The following ENPP3 variants were observed in gnomAD, a reference collection of about 807,000 sequenced individuals.
ENPP3 encodes the protein ectonucleotide pyrophosphatase/phosphodiesterase family member 3.
A neutral mutation model predicts 117.8 loss-of-function variants in ENPP3; 104 were observed. The ratio of observed to expected loss-of-function variants is 0.88; its 90% confidence interval spans 0.75 to 1.04. ENPP3 has a LOEUF of 1.04. Among genes scored for constraint, ENPP3 ranks in the 50% least tolerant of loss-of-function variants. The probability of loss-of-function intolerance (pLI) is 0.00; values close to 1 mark genes in which losing one functional copy is unlikely to be tolerated. For synonymous variants in ENPP3, 380 were observed against 349.9 expected (o/e 1.09, Z -0.96); for missense variants, 1,026 against 1,051.9 (o/e 0.98, Z 0.34).
intron 20 of ENPP3, among the ~76,000 whole-genome samples, chr6:131,730,343 A>G (rs1300624329): frequency 6.6e-6 from 1 of 152,198 alleles, no homozygotes; most frequent in East Asian, 1.9e-4. Context: ...TGTTTTTGAA[A>G]GAATATAAAC....
At chr6:131,710,513 C>T in intron 15 of ENPP3, 1 of 1,605,662 alleles carries the variant, frequency 6.2e-7, no homozygotes, top group South Asian at 1.1e-5. Context: ...TTTGAAATAT[C>T]CGCCATCAAT....
chr6:131,729,476 T>G (rs1249698114), intron 20 of ENPP3, among the ~76,000 whole-genome samples: 2 of 152,190 alleles, frequency 1.3e-5, no homozygotes, highest in Non-Finnish European at 2.9e-5. Context: ...CACGTTCCTG[T>G]CTATACTCAT....
At chr6:131,717,055 T>A (rs945378488) in intron 15 of ENPP3, among the ~76,000 whole-genome samples, 4 of 152,212 alleles carry the variant, frequency 2.6e-5, no homozygotes, top group Admixed American at 2.0e-4. Context: ...GGAAATGAAG[T>A]GACATCCTTA....
At chr6:131,637,491 C>A in intron 1 of ENPP3, 29 bp downstream of exon 1, 1 of 1,286,618 alleles carries the variant, frequency 7.8e-7, no homozygotes, top group Non-Finnish European at 1.1e-6. Flanking sequence ...TTTAGTCTTT[C>A]TAGTTTTGTG....
Position 131,641,451 on chromosome 6 carries a change from A to C in ENPP3, c.79-4A>C. The C allele has an allele frequency of 6.2e-7, 1 of 1,604,670 alleles. No individual in the cohort carries two copies. Among genetic ancestry groups the C allele is most frequent in the Non-Finnish European group, 8.5e-7 (1 of 1,172,640 alleles). Reference sequence around the variant, plus strand: ...TAAAAGTTACTTTTTCCTTTTTGCAATAGGTTCTTCTTGCTTTGCTGGTGA... The same window carrying C: ...TAAAAGTTACTTTTTCCTTTTTGCACTAGGTTCTTCTTGCTTTGCTGGTGA... On this transcript the variant is annotated splice_polypyrimidine_tract_variant and splice_region_variant and intron_variant, in intron 1 of 24. Coordinates refer to ENST00000357639, the MANE Select transcript of ENPP3 (RefSeq NM_005021.5).
chr6:131,689,025 C>T (rs1335545140), intron 14 of ENPP3, among the ~76,000 whole-genome samples: 1 of 151,884 alleles, frequency 6.6e-6, no homozygotes, highest in African/African-American at 2.4e-5. Flanking sequence ...GAGATCACGC[C>T]ACTGCACTCC....
At chr6:131,721,805 A>G (rs1347274625) in intron 17 of ENPP3, among the ~76,000 whole-genome samples, 1 of 152,208 alleles carries the variant, frequency 6.6e-6, no homozygotes, top group Non-Finnish European at 1.5e-5. Context: ...CTTACGAAAC[A>G]AAGTGGTGAT....
At chr6:131,738,442 G>C (rs1780448859) in intron 23 of ENPP3, among the ~76,000 whole-genome samples, 1 of 151,994 alleles carries the variant, frequency 6.6e-6, no homozygotes, top group Non-Finnish European at 1.5e-5. Flanking sequence ...TTTTGTAAAG[G>C]CTAAGGAGGT....
At chr6:131,673,717 ACAG>A (rs1778800212) in intron 7 of ENPP3, among the ~76,000 whole-genome samples, 1 of 151,898 alleles carries the variant, frequency 6.6e-6, no homozygotes, top group South Asian at 2.1e-4. Flanking sequence ...AGACAGACAG[ACAG>A]AAAGAAAGAA....
At chr6:131,639,263 A>AT (rs71030752) in intron 1 of ENPP3, among the ~76,000 whole-genome samples, 4,559 of 91,026 alleles carry the variant, frequency 0.05, 147 homozygotes, top group East Asian at 0.082. Flanking sequence ...ATATATATAT[A>AT]TATTTTTTTT....
At chr6:131,645,215 T>C (rs747573503) in intron 2 of ENPP3, among the ~76,000 whole-genome samples, 3 of 152,220 alleles carry the variant, frequency 2.0e-5, no homozygotes, top group Non-Finnish European at 4.4e-5. Context: ...TGCTTTGCCA[T>C]AGATCAAGGA....
At chr6:131,676,860 AG>A in intron 10 of ENPP3, 59 bp downstream of exon 10, 2 of 1,138,622 alleles carry the variant, frequency 1.8e-6, no homozygotes, top group Non-Finnish European at 2.6e-6. Flanking sequence ...TAAAAAATGA[AG>A]TTTTTTTTTT....
At chr6:131,641,603 ATC>A in intron 2 of ENPP3, 73 bp downstream of exon 2, 1 of 951,210 alleles carries the variant, frequency 1.1e-6, no homozygotes, top group Non-Finnish European at 1.7e-6. Context: ...ATTAAAATGT[ATC>A]TCCCATCCCA....
intron 24 of ENPP3, among the ~76,000 whole-genome samples, chr6:131,745,152 GA>G (rs371147295): frequency 3.0e-4 from 45 of 151,330 alleles, no homozygotes; most frequent in African/African-American, 1.0e-3. Flanking sequence ...AAATGTTATG[GA>G]AAAAAAAGTG....
chr6:131,646,924 T>G (rs571061794), intron 2 of ENPP3, among the ~76,000 whole-genome samples: 2 of 151,848 alleles, frequency 1.3e-5, no homozygotes, highest in Admixed American at 6.6e-5. Flanking sequence ...TGAAATTTTG[T>G]GGAATTTGAG....
intron 13 of ENPP3, 123 bp from the exon 14 acceptor site, chr6:131,685,753 A>G: frequency 1.5e-6 from 1 of 660,736 alleles, no homozygotes; most frequent in Non-Finnish European, 2.7e-6. Flanking sequence ...AATTTTTAAT[A>G]TAATTTTACC....
chr6:131,688,896 C>CAAAA (rs34743742), intron 14 of ENPP3, among the ~76,000 whole-genome samples: 21 of 88,282 alleles, frequency 2.4e-4, no homozygotes, highest in African/African-American at 6.2e-4. Flanking sequence ...ACTAAAAATC[C>CAAAA]AAAAAAAAAA....
At chr6:131,740,537 T>C (rs1405171744) in intron 24 of ENPP3, among the ~76,000 whole-genome samples, 157 bp downstream of exon 24, 2 of 152,180 alleles carry the variant, frequency 1.3e-5, no homozygotes, top group African/African-American at 2.4e-5. Flanking sequence ...CCTTAGGCTA[T>C]TGATCTCTAT....
chr6:131,691,888 A>C (rs749486626), intron 14 of ENPP3, among the ~76,000 whole-genome samples: 2 of 152,332 alleles, frequency 1.3e-5, no homozygotes, highest in Non-Finnish European at 2.9e-5. Flanking sequence ...AGTAATGATA[A>C]ATAAAACAGT....
Sources: gnomAD v4.1 joint callset for allele counts (sites outside exome capture counted in the v4.1 genomes callset) on GRCh38, gnomAD v4.1.1 for gene constraint, MANE v1.5 for transcripts, NCBI Gene and HGNC (gene_info 2026-07-23, HGNC 2026-07-21) for gene names.